Variants in DDX23 observed in about 807,000 individuals in gnomAD.
DDX23 encodes the protein probable ATP-dependent RNA helicase DDX23.
DDX23 carries 33 observed loss-of-function variants against 102.7 expected under a neutral mutation model. That is an observed-to-expected ratio of 0.32 (90% CI 0.24 to 0.43). The LOEUF (loss-of-function observed/expected upper bound fraction) is 0.43, where lower values mean the gene tolerates loss of function less well. DDX23 is among the 20% of genes least tolerant of loss of function. DDX23 has a pLI of 1.00. For synonymous variants in DDX23, 352 were observed against 376.0 expected, an observed-to-expected ratio of 0.94 and a Z score of 0.74; for missense variants, 549 against 1,086.6, an observed-to-expected ratio of 0.51 and a Z score of 6.96.
intron 1 of DDX23, 53 bp from the exon 2 acceptor site, chr12:48,845,835 C>T: frequency 6.4e-7 from 1 of 1,564,304 alleles, no homozygotes; most frequent in Admixed American, 1.8e-5. Context: ...CTCTAAACTG[C>T]TTATATATAA....
In DDX23 at chr12:48,837,989, T is replaced by C. The variant is rs935069260; in HGVS notation, c.572A>G (p.Glu191Gly). Residue 191 changes from glutamate (E) to glycine (G), a missense_variant, in exon 6 of 17, where the codon GAG becomes GGG. Glu to Gly is a moderately conservative substitution (Grantham distance 98). Coordinates refer to ENST00000308025, the MANE Select transcript of DDX23 (RefSeq NM_004818.3). Reference protein sequence around the residue: ...VEERQRMLEEERKKRKQFQDL... With the variant: ...VEERQRMLEEGRKKRKQFQDL... ...TTGGAACTGTTTCCTTTTCTTCCTCTCTTCTTCAAGCATCCTCTGCCGCTC... is the reference window on the plus strand; with the variant it reads ...TTGGAACTGTTTCCTTTTCTTCCTCCCTTCTTCAAGCATCCTCTGCCGCTC... 1 of 1,613,874 alleles carries C rather than the reference T, an allele frequency of 6.2e-7. No homozygotes were observed. The highest frequency in any genetic ancestry group is 8.5e-7 in the Non-Finnish European group (1 of 1,180,042).
rs576081594 is a variant in DDX23 at position 48,832,222 on chromosome 12, C to T, written c.1956-36G>A. The T allele has an allele frequency of 6.2e-7, 1 of 1,606,568 alleles. No individual in the cohort carries two copies. The highest frequency in any genetic ancestry group is 2.2e-5 in the East Asian group (1 of 44,848). On this transcript the variant is annotated intron_variant, in intron 14 of 16. Coordinates refer to ENST00000308025, the MANE Select transcript of DDX23 (RefSeq NM_004818.3). This position sits in a 1 kb window ranked among gnomAD's most constrained non-coding sequence, Gnocchi z 4.4. ...GAGGAGAAAAACAAGATGCATAATA[C>T]CTCCCACTCCAAGTGAAATGCCCAA...
chr12:48,834,598 G>A lies in DDX23; in HGVS notation c.1383-101C>T. 3 of 1,119,326 alleles carry A rather than the reference G, an allele frequency of 2.7e-6. 1 individual carries two copies. The highest frequency in any genetic ancestry group is 1.3e-6 in the Non-Finnish European group (1 of 773,072). The allele number at this position is 1,119,326 out of a possible 1,614,324, so 69.3% of individuals were successfully genotyped here. On this transcript the variant is annotated intron_variant, in intron 11 of 16. Transcript: ENST00000308025. ...CACTCTTACGGGGAGCAATGGGAAT[G>A]GGGAGGATGATGAGAAAAGAATGCA...
intron 1 of DDX23, among the ~76,000 whole-genome samples, chr12:48,847,688 G>C (rs542857186): frequency 6.6e-5 from 10 of 151,936 alleles, no homozygotes; most frequent in African/African-American, 2.2e-4. Flanking sequence ...AATTAGCCAC[G>C]CATGGTGGTA....
At chr12:48,838,873 CATG>C (rs1281237363) in intron 5 of DDX23, among the ~76,000 whole-genome samples, 1 of 151,882 alleles carries the variant, frequency 6.6e-6, no homozygotes, top group Non-Finnish European at 1.5e-5. Flanking sequence ...ACAAACAATG[CATG>C]TGTTATATAT....
intron 11 of DDX23, among the ~76,000 whole-genome samples, chr12:48,835,526 A>G (rs1938457255): frequency 6.6e-6 from 1 of 152,118 alleles, no homozygotes; most frequent in Admixed American, 6.6e-5. Context: ...CCTGACCAAC[A>G]TTGAGACCCC....
intron 8 of DDX23, 113 bp downstream of exon 8, chr12:48,837,168 C>T (rs1207299589): frequency 1.9e-6 from 3 of 1,542,646 alleles, no homozygotes; most frequent in Non-Finnish European, 2.7e-6. Flanking sequence ...GGCTGACTAC[C>T]AGTCTACCAA....
Position 48,834,365 on chromosome 12 carries a change from G to T in DDX23, c.1515C>A (p.Gly505=). The change falls in exon 12 of 17, where the codon GGC becomes GGA. Residue 505 remains glycine (G), a synonymous_variant. Coordinates refer to ENST00000308025, the MANE Select transcript of DDX23 (RefSeq NM_004818.3). ...TGAAGCCCTGGTCTTCTCTGGAGAT[G>T]CCACCAATGACAGCCACAGTGCGGA... ...LGIRTVAVIG[G]ISREDQGFRL... 4 of 1,614,128 alleles carry T rather than the reference G, an allele frequency of 2.5e-6. No individual in the cohort carries two copies. Among genetic ancestry groups the T allele is most frequent in the Non-Finnish European group, 3.4e-6 (4 of 1,180,022 alleles).
At chr12:48,845,548 T>C (rs1262356881) in intron 2 of DDX23, 26 bp downstream of exon 2, 25 of 1,613,110 alleles carry the variant, frequency 1.5e-5, no homozygotes, top group Non-Finnish European at 1.5e-5. Flanking sequence ...TCCCTTCCCA[T>C]GTAATAACAT....
chr12:48,841,654 G>A (rs1331348928), intron 3 of DDX23, among the ~76,000 whole-genome samples: 2 of 152,248 alleles, frequency 1.3e-5, no homozygotes, highest in African/African-American at 2.4e-5. Flanking sequence ...GTGGAGACGG[G>A]GTTTCGCTGT....
Position 48,831,707 on chromosome 12 carries a change from A to G in DDX23, c.2064+371T>C, listed in dbSNP as rs554414172. On this transcript the variant is annotated intron_variant, in intron 15 of 16. Transcript: ENST00000308025. ...CCCCTCAAGCACCAGTGACAGGAGT[A>G]AAGGACACTGATTATCAGCTCCCTT... The G allele has an allele frequency of 1.3e-4, 56 of 430,098 alleles. No individual in the cohort carries two copies. The South Asian group carries it at 1.4e-3, about 11-fold the overall frequency. 26.6% of individuals were successfully genotyped at this position (430,098 alleles called of 1,614,324 possible). A position where few individuals can be genotyped will look rare whatever the true frequency, so the allele number is the denominator to read the frequency against.
At chr12:48,839,099 T>C (rs1437148132) in intron 5 of DDX23, among the ~76,000 whole-genome samples, 1 of 152,026 alleles carries the variant, frequency 6.6e-6, no homozygotes, top group African/African-American at 2.4e-5. Context: ...GGTCTAAAAA[T>C]CCCTGGCTCA....
chr12:48,844,723 G>A (rs1040083757), intron 2 of DDX23, among the ~76,000 whole-genome samples: 9 of 150,186 alleles, frequency 6.0e-5, no homozygotes, highest in South Asian at 2.1e-4. Flanking sequence ...CACCTGCCTC[G>A]GCCTCCCAAA....
At position 48,830,745 on chromosome 12, in the gene DDX23, G is replaced by A. The variant is rs1474545819; in HGVS notation, c.2240-53C>T. 64 of 1,508,506 alleles carry A rather than the reference G, an allele frequency of 4.2e-5. No homozygotes were observed. The highest frequency in any genetic ancestry group is 5.9e-5 in the Admixed American group (3 of 51,058). The allele number at this position is 1,508,506 out of a possible 1,614,324, so 93.4% of individuals were successfully genotyped here. A position where few individuals can be genotyped will look rare whatever the true frequency, so the allele number is the denominator to read the frequency against. On this transcript the variant is annotated intron_variant, in intron 16 of 16. Transcript: ENST00000308025. This position sits in a 1 kb window ranked among gnomAD's most constrained non-coding sequence, Gnocchi z 4.9. ...CATAGCCCAGATGCCCTGGGGAGCCGTGTCTGATGCCTCCACTTCTAGAGG... is the reference window on the plus strand; with the variant it reads ...CATAGCCCAGATGCCCTGGGGAGCCATGTCTGATGCCTCCACTTCTAGAGG...
intron 3 of DDX23, among the ~76,000 whole-genome samples, chr12:48,842,285 C>T (rs1249356029): frequency 2.0e-5 from 3 of 147,472 alleles, no homozygotes; most frequent in Non-Finnish European, 4.5e-5. Flanking sequence ...GGGGTCAGCC[C>T]CCGGCCCGGC....
chr12:48,845,888 T>C (rs1938659197), intron 1 of DDX23, 106 bp from the exon 2 acceptor site: 7 of 1,229,554 alleles, frequency 5.7e-6, no homozygotes, highest in Non-Finnish European at 8.0e-6. Flanking sequence ...GATATATTAG[T>C]ATGTCTACCG....
intron 6 of DDX23, 83 bp downstream of exon 6, chr12:48,837,859 T>C (rs1279421784): frequency 2.6e-5 from 42 of 1,586,906 alleles, no homozygotes; most frequent in Non-Finnish European, 3.4e-5. Context: ...AGTGAACAGG[T>C]TTCTATCTCT....
rs571917803 is a variant in DDX23, at chr12:48,841,439, C to T, written c.321-1333G>A. On this transcript the variant is annotated intron_variant, in intron 3 of 16. Transcript: ENST00000308025. Reference sequence around the variant, plus strand: ...AATCCATAGATAGAAAAGCTTCAGGCTCCCTCTCCCCTCTCCCCTCTCCCC... The same window carrying T: ...AATCCATAGATAGAAAAGCTTCAGGTTCCCTCTCCCCTCTCCCCTCTCCCC... Among the ~76,000 whole-genome samples, 4 of 152,212 alleles carry T rather than the reference C, an allele frequency of 2.6e-5. No individual in the cohort carries two copies. The East Asian group carries it at 7.8e-4, about 30-fold the overall frequency.
At chr12:48,844,090 A>G in intron 2 of DDX23, 40 bp from the exon 3 acceptor site, 1 of 1,599,040 alleles carries the variant, frequency 6.3e-7, no homozygotes, top group Non-Finnish European at 8.6e-7. Flanking sequence ...TGGTATTTCC[A>G]AAGTATCTTG....
Sources: allele counts gnomAD v4.1 joint callset (sites outside exome capture counted in the v4.1 genomes callset), GRCh38; gene constraint gnomAD v4.1.1; non-coding constraint Gnocchi (gnomAD v3.1); transcripts MANE v1.5; gene names NCBI Gene and HGNC (gene_info 2026-07-23, HGNC 2026-07-21).